TTC17: variants seen among roughly 807,000 people sequenced by gnomAD.
The protein encoded by TTC17 is tetratricopeptide repeat domain 17, also known as tetratricopeptide repeat protein 17.
In TTC17, 58 loss-of-function variants were observed where a neutral mutation model predicts 143.8. The ratio of observed to expected loss-of-function variants is 0.40; its 90% confidence interval spans 0.33 to 0.50. The LOEUF (loss-of-function observed/expected upper bound fraction) is 0.50, where lower values mean the gene tolerates loss of function less well. Among genes scored for constraint, TTC17 ranks in the 20% least tolerant of loss-of-function variants. The pLI, the probability that TTC17 is intolerant of heterozygous loss-of-function variation, is 0.49. For missense variants in TTC17, 1,273 were observed against 1,392.5 expected, an observed-to-expected ratio of 0.91 and a Z score of 1.37; for synonymous variants, 501 against 497.8, an observed-to-expected ratio of 1.01 and a Z score of -0.09.
intron 5 of TTC17, among the ~76,000 whole-genome samples, chr11:43,395,726 G>A (rs1420322005): frequency 2.0e-5 from 3 of 152,110 alleles, no homozygotes; most frequent in South Asian, 2.1e-4. Flanking sequence ...AAAAAGCTAC[G>A]TTTAACTAAA....
At chr11:43,468,014 G>A (rs1693703255) in intron 21 of TTC17, 2 of 151,980 alleles carry the variant, frequency 1.3e-5, no homozygotes, top group Non-Finnish European at 2.9e-5. Flanking sequence ...CTCAAAGTGT[G>A]TGATCCACAG....
chr11:43,397,394 G>A lies in TTC17; in HGVS notation c.821G>A (p.Arg274Lys). 1 of 1,612,958 alleles carries A rather than the reference G, an allele frequency of 6.2e-7. No individual in the cohort carries two copies. Among genetic ancestry groups the A allele is most frequent in the Non-Finnish European group, 8.5e-7 (1 of 1,180,004 alleles). ...ALVNLANVLH[R>K]AHFSADAAVV... ...GTCAACCTGGCAAACGTTCTACACAGAGCACACTTCTCTGCTGATGCTGCT... is the reference window on the plus strand; with the variant it reads ...GTCAACCTGGCAAACGTTCTACACAAAGCACACTTCTCTGCTGATGCTGCT... The change falls in exon 7 of 24, where the codon AGA (arginine) becomes AAA (lysine). Residue 274 changes from arginine to lysine, a missense_variant. Coordinates refer to ENST00000039989, the MANE Select transcript of TTC17 (RefSeq NM_018259.6).
At chr11:43,423,545 G>A (rs1476043387) in intron 16 of TTC17, among the ~76,000 whole-genome samples, 1 of 152,130 alleles carries the variant, frequency 6.6e-6, no homozygotes, top group Admixed American at 6.5e-5. Flanking sequence ...GGGACAAAGA[G>A]GACAATAGTA....
intron 18 of TTC17, among the ~76,000 whole-genome samples, chr11:43,445,090 A>G (rs1947512641): frequency 6.6e-6 from 1 of 152,224 alleles, no homozygotes; most frequent in African/African-American, 2.4e-5. Context: ...ATCATAACAC[A>G]TCTATGCTGC....
At chr11:43,424,040 ATAACTT>A (rs1445406262) in intron 16 of TTC17, among the ~76,000 whole-genome samples, 1 of 152,082 alleles carries the variant, frequency 6.6e-6, no homozygotes, top group Non-Finnish European at 1.5e-5. Context: ...AGTGACTAAA[ATAACTT>A]TAAAGCAAAT....
intron 16 of TTC17, chr11:43,436,438 A>G (rs1031414466): frequency 5.3e-5 from 57 of 1,066,002 alleles, no homozygotes; most frequent in African/African-American, 3.6e-4. Flanking sequence ...TTCTTTAACA[A>G]TCATTATATT....
At chr11:43,410,693 T>G (rs1858369351) in intron 15 of TTC17, among the ~76,000 whole-genome samples, 1 of 152,184 alleles carries the variant, frequency 6.6e-6, no homozygotes, top group Non-Finnish European at 1.5e-5. Flanking sequence ...TCCACTTAGA[T>G]GTCTAAAGGG....
chr11:43,381,978 A>C (rs898770268), intron 2 of TTC17, among the ~76,000 whole-genome samples: 1 of 152,212 alleles, frequency 6.6e-6, no homozygotes, highest in Non-Finnish European at 1.5e-5. Flanking sequence ...TCACGTGGGC[A>C]GTTGGTCCTT....
chr11:43,359,338 C>G, intron 1 of TTC17: 1 of 526,124 alleles, frequency 1.9e-6, no homozygotes, highest in Non-Finnish European at 3.1e-6. Context: ...CTCACCCTTC[C>G]ACCTCGCGGG....
At chr11:43,460,090 C>T (rs11608225) in intron 21 of TTC17, among the ~76,000 whole-genome samples, 25,973 of 151,676 alleles carry the variant, frequency 0.17, 2,922 homozygotes, top group Non-Finnish European at 0.24. Context: ...CATAATCTTA[C>T]AGTTAACACC....
chr11:43,450,622 G>A (rs1405771080), intron 20 of TTC17, among the ~76,000 whole-genome samples: 3 of 152,142 alleles, frequency 2.0e-5, no homozygotes, highest in Non-Finnish European at 4.4e-5. Flanking sequence ...AGAAGAATTG[G>A]AAAAACACAT....
intron 21 of TTC17, among the ~76,000 whole-genome samples, chr11:43,453,617 G>C (rs891388159): frequency 6.6e-6 from 1 of 152,156 alleles, no homozygotes; most frequent in Admixed American, 6.5e-5. Flanking sequence ...ATAAGCTTCA[G>C]ACAGCCAAAA....
rs749662306 is a variant in TTC17, at chr11:43,492,175, G to T, written c.3294+12G>T. 2 of 1,613,736 alleles carry T rather than the reference G, an allele frequency of 1.2e-6. No individual in the cohort carries two copies. Among genetic ancestry groups the T allele is most frequent in the Non-Finnish European group, 1.7e-6 (2 of 1,179,794 alleles). ...TCTACGTGGCAATGGTGAGATGGGG[G>T]TGTGAGCAGTATGTACCAACTCTGC... is the stretch of plus-strand genomic sequence containing the variant. On this transcript the variant is annotated intron_variant, in intron 23 of 23. Transcript: ENST00000039989.
At position 43,414,754 on chromosome 11, in the gene TTC17, C is replaced by T. The variant is rs773853975; in HGVS notation, c.2229C>T (p.Asn743=). The change falls in exon 16 of 24, where the codon AAC becomes AAT. Residue 743 remains asparagine (N), a synonymous_variant. Coordinates refer to ENST00000039989, the MANE Select transcript of TTC17 (RefSeq NM_018259.6). ...TGCAGTTTTATCCTTTTCTGTACAA[C>T]ATCACTTCTTCTGTTTGCAGTGGTA... ...RCMQFYPFLY[N]ITSSVCSGTV... The T allele has an allele frequency of 7.4e-6, 12 of 1,613,328 alleles. No homozygotes were observed. In the South Asian group the frequency reaches 1.3e-4, roughly 18 times the overall value.
intron 1 of TTC17, among the ~76,000 whole-genome samples, chr11:43,360,845 A>G (rs1040391179): frequency 6.6e-6 from 1 of 152,168 alleles, no homozygotes; most frequent in South Asian, 2.1e-4. Context: ...ATCTCTGCCA[A>G]GTCACTGCTG....
chr11:43,490,020 G>A (rs1025240792), intron 21 of TTC17: 2 of 401,688 alleles, frequency 5.0e-6, no homozygotes, highest in African/African-American at 4.0e-5. Flanking sequence ...CTGAGTCATA[G>A]TTTTCTCATT....
intron 16 of TTC17, among the ~76,000 whole-genome samples, chr11:43,416,492 A>G (rs1946783008): frequency 6.6e-6 from 1 of 152,112 alleles, no homozygotes. Context: ...AACTCATGTC[A>G]AAAGAGGGAA....
intron 1 of TTC17, 110 bp from the exon 2 acceptor site, chr11:43,379,123 C>A: frequency 2.0e-6 from 2 of 1,003,990 alleles, no homozygotes; most frequent in Non-Finnish European, 3.1e-6. Context: ...TGAGGAATAA[C>A]GCTGATTACA....
At chr11:43,405,276 T>G (rs1565149008) in intron 11 of TTC17, among the ~76,000 whole-genome samples, 1 of 152,140 alleles carries the variant, frequency 6.6e-6, no homozygotes, top group African/African-American at 2.4e-5. Flanking sequence ...CCTCTTCTTG[T>G]GTCTCACTGG....
Sources: gnomAD v4.1 joint callset for allele counts (sites outside exome capture counted in the v4.1 genomes callset) on GRCh38, gnomAD v4.1.1 for gene constraint, MANE v1.5 for transcripts, NCBI Gene and HGNC (gene_info 2026-07-23, HGNC 2026-07-21) for gene names.